The following FRMD4B variants were observed in gnomAD, a reference collection of about 807,000 sequenced individuals.
The protein encoded by FRMD4B is FERM domain-containing protein 4B.
In FRMD4B, 74 loss-of-function variants were observed where a neutral mutation model predicts 141.5. The ratio of observed to expected loss-of-function variants is 0.52; its 90% CI spans 0.43 to 0.63. The LOEUF is 0.63. Ranked by LOEUF, FRMD4B falls within the 30% of genes least tolerant of loss-of-function variation. The pLI, the probability that FRMD4B is intolerant of heterozygous loss-of-function variation, is 0.00. For missense variants in FRMD4B, 1,366 were observed against 1,253.4 expected (o/e 1.09, Z -1.36); for synonymous variants, 506 against 467.9 (o/e 1.08, Z -1.05).
At chr3:69,252,508 T>C (rs1198535385) in intron 5 of FRMD4B, among the ~76,000 whole-genome samples, 6 of 152,226 alleles carry the variant, frequency 3.9e-5, no homozygotes, top group East Asian at 1.9e-4. Context: ...TCACCTTCCA[T>C]TGAACAATCA....
At chr3:69,486,173 T>C (rs1687121887) in intron 1 of FRMD4B, among the ~76,000 whole-genome samples, 1 of 152,238 alleles carries the variant, frequency 6.6e-6, no homozygotes, top group African/African-American at 2.4e-5. Context: ...TTGTTGTTTT[T>C]AATATGAAAC....
rs1022748190 is a variant in FRMD4B, at chr3:69,188,056, C to A, written c.1772-139G>T. On this transcript the variant is annotated intron_variant, in intron 18 of 22. Transcript: ENST00000398540. ...TCCAAAGATGATATTTTTAGAAGAA[C>A]ATAACTCTTTCAAGAAGTTAATTTT... The A allele has an allele frequency of 1.6e-5, 10 of 638,210 alleles. No individual in the cohort carries two copies. The African/African-American group carries it at 1.9e-4, about 12-fold the overall frequency. 39.5% of individuals were successfully genotyped at this position (638,210 alleles called of 1,614,324 possible).
chr3:69,337,624 A>G (rs2107359998), intron 1 of FRMD4B, among the ~76,000 whole-genome samples: 1 of 152,220 alleles, frequency 6.6e-6, no homozygotes. Context: ...AAAACAAACA[A>G]CCCCATCAAA....
chr3:69,368,285 C>A (rs1295945791), intron 1 of FRMD4B, among the ~76,000 whole-genome samples: 1 of 152,196 alleles, frequency 6.6e-6, no homozygotes, highest in Non-Finnish European at 1.5e-5. Flanking sequence ...AGCATTGGAA[C>A]TCATACCACC....
chr3:69,256,623 C>T (rs749233441), intron 5 of FRMD4B, among the ~76,000 whole-genome samples: 8 of 152,164 alleles, frequency 5.3e-5, no homozygotes, highest in Non-Finnish European at 1.0e-4. Flanking sequence ...CCTGGCCACC[C>T]GCACTGGTTT....
intron 1 of FRMD4B, among the ~76,000 whole-genome samples, chr3:69,442,446 A>T (rs1255928844): frequency 1.3e-5 from 2 of 152,088 alleles, no homozygotes; most frequent in African/African-American, 4.8e-5. Flanking sequence ...AAGAAGGCAG[A>T]TTGTCAATCC....
In FRMD4B at chr3:69,204,645, T is replaced by G. The variant is rs1056749718; in HGVS notation, c.877-5871A>C. ...AATTATAGGCTTCTATAAAGCCCAATTGATCTACCTTCTTTCCATCAAATG... is the reference window on the plus strand; with the variant it reads ...AATTATAGGCTTCTATAAAGCCCAAGTGATCTACCTTCTTTCCATCAAATG... On this transcript the variant is annotated intron_variant, in intron 11 of 22. Transcript: ENST00000398540. Among the ~76,000 whole-genome samples, 13 of 152,342 alleles carry G rather than the reference T, an allele frequency of 8.5e-5. No homozygotes were observed. The South Asian group carries it at 2.3e-3, about 27-fold the overall frequency.
chr3:69,504,507 G>A (rs1575594025), intron 1 of FRMD4B, among the ~76,000 whole-genome samples: 1 of 152,116 alleles, frequency 6.6e-6, no homozygotes, highest in South Asian at 2.1e-4. Context: ...GACCTCCAAT[G>A]TACATGATGT....
chr3:69,424,401 T>G (rs1168860792), intron 2 of FRMD4B, among the ~76,000 whole-genome samples: 1 of 152,172 alleles, frequency 6.6e-6, no homozygotes, highest in Non-Finnish European at 1.5e-5. Context: ...TCAAGCGATC[T>G]TCCCGCTTTG....
At position 69,535,119 on chromosome 3, in the gene FRMD4B, G is replaced by A. The variant is rs556417093; in HGVS notation, c.-129+7087C>T. On this transcript the variant is annotated intron_variant, in intron 1 of 5. Coordinates refer to the FRMD4B transcript ENST00000459638. The stretch of plus-strand genomic sequence containing the variant: ...CCCACTTTATAGATGAAGAAACTGA[G>A]GCACAAAAAAAGGTTAAGTCACTTG... Among the ~76,000 whole-genome samples the A allele has an allele frequency of 5.9e-5, 9 of 152,202 alleles. No homozygotes were observed. The East Asian group carries it at 1.7e-3, about 29-fold the overall frequency.
chr3:69,265,257 A>AAC lies in FRMD4B; in HGVS notation c.502-15159_502-15158insGT, dbSNP rs1480952325. On this transcript the variant is annotated intron_variant, in intron 5 of 22. Transcript: ENST00000398540. ...GCAACACAGCGAGACTCCATCTCAA[A>AAC]AAAAAAAAAAAAATATATATATATA... Among the ~76,000 whole-genome samples the AAC allele has an allele frequency of 8.0e-3, 186 of 23,394 alleles. 16 individuals are homozygous for AAC. Among genetic ancestry groups the AAC allele is most frequent in the African/African-American group, 0.026 (180 of 6,934 alleles). The allele number at this position is 23,394 out of a possible 152,430, so 15.3% of individuals were successfully genotyped here. A position where few individuals can be genotyped will look rare whatever the true frequency, so the allele number is the denominator to read the frequency against.
At chr3:69,527,306 T>A (rs1180255448) in intron 1 of FRMD4B, among the ~76,000 whole-genome samples, 1 of 152,170 alleles carries the variant, frequency 6.6e-6, no homozygotes, top group Non-Finnish European at 1.5e-5. Flanking sequence ...CCTTTCCTGG[T>A]TCCCCTTTGA....
At chr3:69,456,185 A>G (rs1031044152) in intron 1 of FRMD4B, among the ~76,000 whole-genome samples, 1 of 151,972 alleles carries the variant, frequency 6.6e-6, no homozygotes, top group African/African-American at 2.4e-5. Flanking sequence ...TCTGCTTCAC[A>G]GCCAAGGTGT....
chr3:69,312,527 C>T (rs1297511617), intron 2 of FRMD4B, among the ~76,000 whole-genome samples: 3 of 152,138 alleles, frequency 2.0e-5, no homozygotes. Flanking sequence ...GTGGCCCGTC[C>T]GCAGGGACTT....
intron 1 of FRMD4B, among the ~76,000 whole-genome samples, chr3:69,482,727 G>T (rs989376083): frequency 1.2e-4 from 18 of 152,120 alleles, no homozygotes; most frequent in African/African-American, 4.3e-4. Flanking sequence ...TTTCGTCCAG[G>T]GACTGTCAAA....
chr3:69,451,953 C>T (rs910483968), intron 1 of FRMD4B, among the ~76,000 whole-genome samples: 4 of 152,154 alleles, frequency 2.6e-5, no homozygotes, highest in African/African-American at 9.7e-5. Context: ...GATTTCTTTC[C>T]CAGACTCTCA....
intron 11 of FRMD4B, among the ~76,000 whole-genome samples, chr3:69,214,729 G>A (rs1364486261): frequency 1.3e-5 from 2 of 152,092 alleles, no homozygotes; most frequent in Non-Finnish European, 1.5e-5. Flanking sequence ...GGGCATGGTA[G>A]CATGTGTCTG....
chr3:69,442,098 T>C (rs1705351767), intron 1 of FRMD4B, among the ~76,000 whole-genome samples: 1 of 147,442 alleles, frequency 6.8e-6, no homozygotes, highest in African/African-American at 2.5e-5. Flanking sequence ...AGAAGTTTCT[T>C]TTTTTTTTTT....
intron 7 of FRMD4B, among the ~76,000 whole-genome samples, chr3:69,241,896 CAAAAAAA>C (rs1559745674): frequency 6.6e-6 from 1 of 151,444 alleles, no homozygotes; most frequent in African/African-American, 2.4e-5. Context: ...CAAAACAAAA[CAAAAAAA>C]CCCCCAAAAA....
Sources: allele counts gnomAD v4.1 joint callset (sites outside exome capture counted in the v4.1 genomes callset), GRCh38; gene constraint gnomAD v4.1.1; transcripts MANE v1.5; gene names NCBI Gene and HGNC (gene_info 2026-07-23, HGNC 2026-07-21).